The following ITK variants were observed in gnomAD, a reference collection of about 807,000 sequenced individuals.
The protein encoded by ITK is tyrosine-protein kinase ITK/TSK.
A neutral mutation model predicts 87.6 loss-of-function variants in ITK; 45 were observed. That is an observed-to-expected ratio of 0.51 (90% CI 0.40 to 0.66). ITK has a LOEUF of 0.66. Ranked by LOEUF, ITK falls within the 30% of genes least tolerant of loss-of-function variation. ITK has a pLI of 0.00. For missense variants in ITK, 605 were observed against 766.3 expected, an observed-to-expected ratio of 0.79 and a Z score of 2.48; for synonymous variants, 303 against 273.6, an observed-to-expected ratio of 1.11 and a Z score of -1.06.
At chr5:157,209,988 C>T (rs1240814274) in intron 2 of ITK, among the ~76,000 whole-genome samples, 3 of 151,286 alleles carry the variant, frequency 2.0e-5, no homozygotes, top group Admixed American at 1.3e-4. Context: ...TGCAGTGGCG[C>T]AATCCCGGCT....
chr5:157,245,749 A>G lies in ITK; in HGVS notation c.1473A>G (p.Gly491=). The change falls in exon 14 of 17, where the codon GGA becomes GGG. Residue 491 remains glycine (G), a synonymous_variant. Transcript: ENST00000422843. The stretch of plus-strand genomic sequence containing the variant: ...AGGCTGCCAGAAATTGTTTGGTGGG[A>G]GAAAACCAAGTCATCAAGGTGTCTG... ...RDLAARNCLV[G]ENQVIKVSDF... 1.9e-6 allele frequency: 3 copies of G among 1,614,168 alleles called. No homozygotes were observed. The highest frequency in any genetic ancestry group is 2.7e-5 in the African/African-American group (2 of 75,044).
intron 7 of ITK, 51 bp downstream of exon 7, chr5:157,228,412 T>A: frequency 9.3e-7 from 1 of 1,069,680 alleles, no homozygotes; most frequent in Non-Finnish European, 1.5e-6. Context: ...GAATCCTCCT[T>A]AAGTTAGGAA....
intron 1 of ITK, among the ~76,000 whole-genome samples, chr5:157,192,727 G>C (rs953156589): frequency 6.6e-6 from 1 of 152,232 alleles, no homozygotes; most frequent in African/African-American, 2.4e-5. Flanking sequence ...AAACTGCCCA[G>C]AACCCTATGC....
intron 6 of ITK, among the ~76,000 whole-genome samples, chr5:157,224,817 G>A (rs923859270): frequency 6.6e-6 from 1 of 152,076 alleles, no homozygotes; most frequent in African/African-American, 2.4e-5. Context: ...CACAATCTTA[G>A]AATGTATGAT....
intron 1 of ITK, among the ~76,000 whole-genome samples, chr5:157,183,813 C>G (rs1238042155): frequency 6.6e-6 from 1 of 152,060 alleles, no homozygotes; most frequent in Non-Finnish European, 1.5e-5. Flanking sequence ...TCTTGCAGTT[C>G]TCATATTCTA....
chr5:157,244,859 G>T, intron 13 of ITK: 1 of 289,234 alleles, frequency 3.5e-6, no homozygotes, highest in Non-Finnish European at 6.8e-6. Flanking sequence ...GCTACTCTCA[G>T]AATCTCTGGT....
chr5:157,216,622 C>T (rs367911031), intron 4 of ITK, among the ~76,000 whole-genome samples: 2 of 151,948 alleles, frequency 1.3e-5, no homozygotes, highest in East Asian at 1.9e-4. Flanking sequence ...GATCTCCCCA[C>T]TGTGGGGAGG....
Position 157,215,365 on chromosome 5 carries a change from C to T in ITK, c.454+1046C>T, listed in dbSNP as rs554547988. ...TAACACATGGCTAGGTTTTCTGTGG[C>T]TTCCTGATTCATAGGCCCTCTCATT... On this transcript the variant is annotated intron_variant, in intron 4 of 16. Transcript: ENST00000422843. Among the ~76,000 whole-genome samples the T allele has an allele frequency of 1.8e-4, 27 of 152,250 alleles. 1 individual carries two copies. The South Asian group carries it at 4.8e-3, about 27-fold the overall frequency.
chr5:157,240,290 T>C, intron 10 of ITK, 95 bp downstream of exon 10: 2 of 1,175,306 alleles, frequency 1.7e-6, no homozygotes, highest in South Asian at 1.2e-5. Flanking sequence ...TTCTGTCAGA[T>C]CAGCGTCATT....
chr5:157,200,323 G>T (rs950469736), intron 1 of ITK, among the ~76,000 whole-genome samples: 1 of 152,084 alleles, frequency 6.6e-6, no homozygotes. Context: ...TGTGACTTTC[G>T]CCCCAAGTAA....
rs78059412 is a variant in ITK, at chr5:157,221,806, T to C, written c.496-1057T>C. Among the ~76,000 whole-genome samples, 77 of 152,222 alleles carry C rather than the reference T, an allele frequency of 5.1e-4. No individual in the cohort carries two copies. In the East Asian group the frequency reaches 9.8e-3, roughly 19 times the overall value. On this transcript the variant is annotated intron_variant, in intron 5 of 16. Transcript: ENST00000422843. The stretch of plus-strand genomic sequence containing the variant: ...GCCTCAGGCCATCCACTCTTGTCCA[T>C]AGCACCCCATTTACACATCCTCACA...
intron 13 of ITK, chr5:157,245,022 G>A (rs572193105): frequency 1.3e-3 from 233 of 174,172 alleles, no homozygotes; most frequent in African/African-American, 4.3e-3. Context: ...TCAGGAGTTC[G>A]AGACCACCCT....
chr5:157,221,712 C>T (rs1754418055), intron 5 of ITK, among the ~76,000 whole-genome samples: 1 of 152,168 alleles, frequency 6.6e-6, no homozygotes, highest in Admixed American at 6.5e-5. Flanking sequence ...GGGATGAATG[C>T]CATAGCTCTG....
chr5:157,218,821 C>T (rs1277975171), intron 5 of ITK, among the ~76,000 whole-genome samples: 4 of 152,114 alleles, frequency 2.6e-5, no homozygotes, highest in Non-Finnish European at 4.4e-5. Flanking sequence ...GGACCAGAAG[C>T]ATCTGCATCA....
At position 157,253,137 on chromosome 5, in the gene ITK, G is replaced by C. The variant is rs913875218; in HGVS notation, c.*459G>C. Reference sequence around the variant, plus strand: ...AGGATATGGAGGCAAGGGGAACAAAGAGCATGAGTCTTTTTCCAAGAAAAC... The same window carrying C: ...AGGATATGGAGGCAAGGGGAACAAACAGCATGAGTCTTTTTCCAAGAAAAC... On this transcript the variant is annotated 3_prime_UTR_variant, in exon 17 of 17. Coordinates refer to ENST00000422843, the MANE Select transcript of ITK (RefSeq NM_005546.4). 3.4e-6 allele frequency: 1 copy of C among 297,600 alleles called. No homozygotes were observed. Among genetic ancestry groups the C allele is most frequent in the African/African-American group, 2.1e-5 (1 of 48,148 alleles). The allele number at this position is 297,600 out of a possible 1,614,324, so 18.4% of individuals were successfully genotyped here.
At chr5:157,240,420 AC>A in intron 10 of ITK, 3 of 583,186 alleles carry the variant, frequency 5.1e-6, no homozygotes, top group Non-Finnish European at 9.2e-6. Flanking sequence ...CCTGAAAGCA[AC>A]CCCCTGCCAC....
intron 8 of ITK, 151 bp downstream of exon 8, chr5:157,232,545 G>A: frequency 2.3e-6 from 1 of 437,660 alleles, no homozygotes; most frequent in Non-Finnish European, 4.7e-6. Context: ...TTGTACCACT[G>A]CACTTCAGCC....
intron 4 of ITK, 63 bp downstream of exon 4, chr5:157,214,382 G>A (rs909135007): frequency 4.2e-5 from 59 of 1,402,604 alleles, no homozygotes; most frequent in Non-Finnish European, 5.9e-5. Context: ...AAAGCTTTTG[G>A]CCTTTAATCA....
At chr5:157,205,975 CTTTTT>C (rs36004184) in intron 1 of ITK, among the ~76,000 whole-genome samples, 3 of 111,492 alleles carry the variant, frequency 2.7e-5, no homozygotes, top group African/African-American at 3.6e-5. Context: ...AAGGATTAGC[CTTTTT>C]TTTTTTTTTT....
Sources: gnomAD v4.1 joint callset for allele counts (sites outside exome capture counted in the v4.1 genomes callset) on GRCh38, gnomAD v4.1.1 for gene constraint, MANE v1.5 for transcripts, NCBI Gene and HGNC (gene_info 2026-07-23, HGNC 2026-07-21) for gene names.